The following ACYP2 variants were observed in gnomAD, a reference collection of about 807,000 sequenced individuals.
ACYP2 encodes acylphosphatase 2, also known as acylphosphatase-2.
A neutral mutation model predicts 11.2 loss-of-function variants in ACYP2; 12 were observed. The ratio of observed to expected loss-of-function variants is 1.08; its 90% confidence interval spans 0.69 to 1.74. The LOEUF is 1.74. ACYP2 is among the 40% of genes most tolerant of loss of function. The probability of loss-of-function intolerance (pLI) is 0.00; values close to 1 mark genes in which losing one functional copy is unlikely to be tolerated. For synonymous variants in ACYP2, 43 were observed against 32.2 expected (o/e 1.33, Z -1.13); for missense variants, 134 against 101.9 (o/e 1.31, Z -1.35).
At chr2:54,230,470 C>T (rs915429264) in intron 6 of ACYP2, among the ~76,000 whole-genome samples, 7 of 152,160 alleles carry the variant, frequency 4.6e-5, no homozygotes, top group Admixed American at 4.6e-4. Flanking sequence ...AATTCTCCTG[C>T]CTCAGCCGCC....
chr2:54,127,099 C>CT (rs34900505), intron 4 of ACYP2, among the ~76,000 whole-genome samples: 3,148 of 131,096 alleles, frequency 0.024, 102 homozygotes, highest in African/African-American at 0.067. Context: ...TGAATAGCTG[C>CT]TTTTTTTTTT....
chr2:54,255,296 T>C (rs1174992482), intron 6 of ACYP2: 2 of 1,614,222 alleles, frequency 1.2e-6, no homozygotes, highest in Non-Finnish European at 1.7e-6. Context: ...CTAGGGTGTC[T>C]GAGCTCCTTC....
intron 6 of ACYP2, among the ~76,000 whole-genome samples, chr2:54,178,824 T>C (rs1196610023): frequency 6.6e-6 from 1 of 152,224 alleles, no homozygotes; most frequent in East Asian, 1.9e-4. Context: ...AAAGTAACCA[T>C]GAACTTTTCA....
At chr2:54,015,854 G>C (rs1673657818) in intron 2 of ACYP2, among the ~76,000 whole-genome samples, 1 of 151,950 alleles carries the variant, frequency 6.6e-6, no homozygotes, top group Non-Finnish European at 1.5e-5. Flanking sequence ...TGGAGAGATG[G>C]GGTTTTGTTA....
chr2:54,284,288 C>T (rs2104124552), intron 6 of ACYP2, among the ~76,000 whole-genome samples: 1 of 152,320 alleles, frequency 6.6e-6, no homozygotes, highest in Non-Finnish European at 1.5e-5. Context: ...TGCACTTTCT[C>T]CCATGGAGCC....
intron 6 of ACYP2, among the ~76,000 whole-genome samples, chr2:54,267,140 T>C (rs979298171): frequency 2.5e-4 from 38 of 152,190 alleles, no homozygotes; most frequent in African/African-American, 9.2e-4. Context: ...TGTTTCTGTA[T>C]TGTTGAGTTG....
chr2:54,257,194 C>A (rs551770924), intron 6 of ACYP2, among the ~76,000 whole-genome samples: 1 of 152,176 alleles, frequency 6.6e-6, no homozygotes, highest in South Asian at 2.1e-4. Flanking sequence ...GGCAACACAG[C>A]AAGACCCCAT....
chr2:54,204,968 T>C (rs1307088523), intron 6 of ACYP2, among the ~76,000 whole-genome samples: 2 of 152,328 alleles, frequency 1.3e-5, no homozygotes, highest in South Asian at 2.1e-4. Flanking sequence ...CCAGAGTTCA[T>C]GTTTCTCATA....
At chr2:53,971,435 C>A (rs766050273) in intron 1 of ACYP2, 5 of 152,266 alleles carry the variant, frequency 3.3e-5, no homozygotes, top group Non-Finnish European at 7.3e-5. Flanking sequence ...CCCGCTTGTT[C>A]CTTATAGATT....
chr2:54,044,396 A>C (rs888227258), intron 2 of ACYP2, among the ~76,000 whole-genome samples: 3 of 151,814 alleles, frequency 2.0e-5, no homozygotes, highest in Non-Finnish European at 4.4e-5. Context: ...GGAGTTCAAG[A>C]CTAGCCTGGG....
At chr2:54,277,709 G>A (rs1485672101) in intron 6 of ACYP2, among the ~76,000 whole-genome samples, 1 of 151,984 alleles carries the variant, frequency 6.6e-6, no homozygotes, top group African/African-American at 2.4e-5. Flanking sequence ...AATGAAAATT[G>A]TTTTATAATT....
intron 6 of ACYP2, among the ~76,000 whole-genome samples, chr2:54,243,344 C>T (rs1255145724): frequency 6.6e-6 from 1 of 151,948 alleles, no homozygotes; most frequent in African/African-American, 2.4e-5. Context: ...CTATATGGCA[C>T]GTTATTGTAC....
At position 54,256,524 on chromosome 2, in the gene ACYP2, C is replaced by T. The variant is rs192693779; in HGVS notation, c.405-48164C>T. Reference sequence around the variant, plus strand: ...TCTCTACTGGGCTGACGTTATTTTTCATATGGATTTGTAGGAAGCCTTTGT... The same window carrying T: ...TCTCTACTGGGCTGACGTTATTTTTTATATGGATTTGTAGGAAGCCTTTGT... On this transcript the variant is annotated intron_variant, in intron 6 of 6. Coordinates refer to ENST00000607452, the MANE Select transcript of ACYP2 (RefSeq NM_001320586.2). Among the ~76,000 whole-genome samples, 5 of 152,300 alleles carry T rather than the reference C, an allele frequency of 3.3e-5. No individual in the cohort carries two copies. In the East Asian group the frequency reaches 9.6e-4, roughly 29 times the overall value.
chr2:54,277,729 A>G (rs1280028114), intron 6 of ACYP2, among the ~76,000 whole-genome samples: 1 of 152,174 alleles, frequency 6.6e-6, no homozygotes, highest in Non-Finnish European at 1.5e-5. Flanking sequence ...TTCATGTGCT[A>G]GATAATCATA....
intron 4 of ACYP2, chr2:54,115,279 A>G: frequency 2.3e-6 from 1 of 433,324 alleles, no homozygotes; most frequent in Non-Finnish European, 4.1e-6. Context: ...CACCTTGTAC[A>G]CCACAAATAT....
chr2:54,208,392 TC>T (rs199533578), intron 6 of ACYP2, among the ~76,000 whole-genome samples: 3,413 of 152,166 alleles, frequency 0.022, 76 homozygotes, highest in Non-Finnish European at 0.026. Context: ...CTTTTTTAAA[TC>T]CTTAGCATAG....
chr2:54,253,355 G>A (rs976817505), intron 6 of ACYP2: 3 of 152,126 alleles, frequency 2.0e-5, no homozygotes, highest in East Asian at 1.9e-4. Flanking sequence ...AAGAAAGACT[G>A]ATATTATTCC....
chr2:54,300,156 A>G (rs1689668128), intron 6 of ACYP2, among the ~76,000 whole-genome samples: 1 of 152,166 alleles, frequency 6.6e-6, no homozygotes. Context: ...TCTTTTCTAT[A>G]CCTAATGAGT....
chr2:54,038,796 T>C (rs1028212229), intron 2 of ACYP2, among the ~76,000 whole-genome samples: 13 of 69,686 alleles, frequency 1.9e-4, no homozygotes, highest in East Asian at 1.8e-3. Context: ...GTTGTCAGAA[T>C]AGGTAAAAAA....
Sources: gnomAD v4.1 joint callset for allele counts (sites outside exome capture counted in the v4.1 genomes callset) on GRCh38, gnomAD v4.1.1 for gene constraint, MANE v1.5 for transcripts, NCBI Gene and HGNC (gene_info 2026-07-23, HGNC 2026-07-21) for gene names.